CFAP43: variants seen among roughly 807,000 people sequenced by gnomAD.
CFAP43 encodes cilia and flagella associated protein 43, also known as cilia- and flagella-associated protein 43.
Under a neutral mutation model 218.9 loss-of-function variants are expected in CFAP43, and 155 were observed. The observed-to-expected ratio is 0.71, with a 90% CI of 0.62 to 0.81. The LOEUF is 0.81. CFAP43 is among the 30% of genes least tolerant of loss of function. The pLI is 0.00. For missense variants in CFAP43, 1,778 were observed against 1,954.3 expected, an observed-to-expected ratio of 0.91 and a Z score of 1.70; for synonymous variants, 645 against 681.3, an observed-to-expected ratio of 0.95 and a Z score of 0.83.
intron 16 of CFAP43, among the ~76,000 whole-genome samples, chr10:104,183,896 G>T (rs1475015282): frequency 6.6e-6 from 1 of 152,188 alleles, no homozygotes; most frequent in Non-Finnish European, 1.5e-5. Flanking sequence ...AGAATCCCAT[G>T]TATAAAATGG....
At position 104,218,784 on chromosome 10, in the gene CFAP43, T is replaced by G. The variant is rs200402144; in HGVS notation, c.417-4358A>C. ...ATTGGCTCCCAAAATACACCGGTGG[T>G]TTAGGGTTCCTCTGCTGTTCCTAGG... On this transcript the variant is annotated intron_variant, in intron 3 of 37. Transcript: ENST00000357060. 262 of 550,048 alleles carry G rather than the reference T, an allele frequency of 4.8e-4. 1 individual carries two copies. Among genetic ancestry groups the G allele is most frequent in the Middle Eastern group, 1.8e-3 (6 of 3,258 alleles). The allele number at this position is 550,048 out of a possible 1,614,324, so 34.1% of individuals were successfully genotyped here. A position where few individuals can be genotyped will look rare whatever the true frequency, so the allele number is the denominator to read the frequency against.
At chr10:104,144,484 A>T (rs2087861540) in intron 31 of CFAP43, among the ~76,000 whole-genome samples, 1 of 152,174 alleles carries the variant, frequency 6.6e-6, no homozygotes. Flanking sequence ...CTCCGTCTCT[A>T]CTAAAAATAC....
In CFAP43 at chr10:104,203,257, C is replaced by G. The variant is rs544032843; in HGVS notation, c.1095+415G>C. 6.6e-5 allele frequency among the ~76,000 whole-genome samples: 10 copies of G among 152,268 alleles called. No individual in the cohort carries two copies. In the East Asian group the frequency reaches 1.9e-3, roughly 29 times the overall value. The stretch of plus-strand genomic sequence containing the variant: ...ACGTGATTCAGTCAGTCCAATGAGT[C>G]TAGATTCCAAGATTTTTTTTCTAGC... On this transcript the variant is annotated intron_variant, in intron 8 of 37. Coordinates refer to ENST00000357060, the MANE Select transcript of CFAP43 (RefSeq NM_025145.7).
intron 14 of CFAP43, 74 bp from the exon 15 acceptor site, chr10:104,186,197 T>G: frequency 8.3e-7 from 1 of 1,208,128 alleles, no homozygotes; most frequent in East Asian, 2.7e-5. Context: ...CAGATATACA[T>G]GCCTGTTGTA....
chr10:104,162,962 AAGG>A (rs2088957218), intron 24 of CFAP43, among the ~76,000 whole-genome samples: 1 of 152,292 alleles, frequency 6.6e-6, no homozygotes, highest in East Asian at 1.9e-4. Context: ...ACTAGAGCCC[AAGG>A]AGAAGTAGGT....
In CFAP43 at chr10:104,186,474, T is replaced by C. The variant is rs187648449; in HGVS notation, c.1861-351A>G. Among the ~76,000 whole-genome samples the C allele has an allele frequency of 8.4e-4, 128 of 152,266 alleles. 1 individual carries two copies. Among genetic ancestry groups the C allele is most frequent in the Non-Finnish European group, 1.1e-3 (77 of 68,018 alleles). On this transcript the variant is annotated intron_variant, in intron 14 of 37. Transcript: ENST00000357060. The stretch of plus-strand genomic sequence containing the variant: ...TAATGTAGTCAATATTCCCCGTATG[T>C]TTCATGCATTCCTACCTCCAAGCCT...
intron 18 of CFAP43, 122 bp from the exon 19 acceptor site, chr10:104,179,228 G>C (rs991449485): frequency 1.3e-5 from 10 of 776,534 alleles, no homozygotes; most frequent in African/African-American, 1.7e-5. Flanking sequence ...CTAATATAAA[G>C]TGTACATGAA....
rs768831533 is a variant in CFAP43, at chr10:104,143,452, G to C, written c.4132C>G (p.Arg1378Gly). The C allele has an allele frequency of 3.1e-6, 5 of 1,613,860 alleles. No individual in the cohort carries two copies. In the South Asian group the frequency reaches 3.3e-5, roughly 11 times the overall value. ...TTCTGTTCATTTTCCACTTTTGCTC[G>C]TCTTGTCATGCAGAAATGATTCCAG... ...LVWNHFCMTR[R>G]AKVENEQKVK... is the part of the protein sequence containing the mutation. Residue 1378 changes from arginine to glycine, a missense_variant, in exon 32 of 38, where the codon CGA (arginine) becomes GGA (glycine). Arg to Gly is a moderately radical substitution (Grantham distance 125). Transcript: ENST00000357060.
chr10:104,167,062 C>G (rs1051071201), intron 22 of CFAP43, among the ~76,000 whole-genome samples: 5 of 152,088 alleles, frequency 3.3e-5, no homozygotes, highest in African/African-American at 9.7e-5. Context: ...ACAAAGAAAC[C>G]TGTTAACAAA....
intron 24 of CFAP43, among the ~76,000 whole-genome samples, chr10:104,163,794 T>C (rs1464946806): frequency 6.6e-6 from 1 of 152,194 alleles, no homozygotes; most frequent in Non-Finnish European, 1.5e-5. Flanking sequence ...CTAGAGGAAG[T>C]AGAAATGCAG....
intron 12 of CFAP43, among the ~76,000 whole-genome samples, chr10:104,191,484 C>T (rs925790607): frequency 1.3e-5 from 2 of 152,134 alleles, no homozygotes; most frequent in African/African-American, 4.8e-5. Context: ...CACCCCCTGA[C>T]CAGTGCCCAC....
Position 104,192,266 on chromosome 10 carries a change from T to C in CFAP43, c.1479A>G (p.Thr493=), listed in dbSNP as rs376776592. The change falls in exon 12 of 38, where the codon ACA becomes ACG. Residue 493 remains threonine, a synonymous_variant. Coordinates refer to ENST00000357060, the MANE Select transcript of CFAP43 (RefSeq NM_025145.7). The stretch of plus-strand genomic sequence containing the variant: ...TGATAATAAAGACTTTTCCTTCTGC[T>C]GTTCCAACTAACAGAAATATTCCTT... ...DQQGIFLLVG[T]AEGKVFIINA... 35 of 1,613,004 alleles carry C rather than the reference T, an allele frequency of 2.2e-5. No homozygotes were observed. The highest frequency in any genetic ancestry group is 2.9e-5 in the Non-Finnish European group (34 of 1,179,742).
rs374956831 is a variant in CFAP43 at position 104,167,688 on chromosome 10, G to A, written c.2741C>T (p.Thr914Met). The part of the protein sequence containing the change: ...VVENFPMKAR[T>M]VEELKELERV... Reference sequence around the variant, plus strand: ...TTCCAATTCTTTCAGCTCTTCAACCGTGCGCGCTTTCATCGGGAAGTTTTC... The same window carrying A: ...TTCCAATTCTTTCAGCTCTTCAACCATGCGCGCTTTCATCGGGAAGTTTTC... The change falls in exon 22 of 38, where the codon ACG becomes ATG. Residue 914 changes from threonine (T) to methionine (M), a missense_variant. By Grantham distance (81) the Thr-to-Met change is moderately conservative (BLOSUM62 -1). This residue lies in a region of CFAP43 where 1,553 missense variants were observed against 1,685.2 expected (regional missense o/e 0.92). Coordinates refer to ENST00000357060, the MANE Select transcript of CFAP43 (RefSeq NM_025145.7). 7.1e-5 allele frequency: 115 copies of A among 1,611,042 alleles called. No individual in the cohort carries two copies. The highest frequency in any genetic ancestry group is 5.6e-4 in the Admixed American group (33 of 59,188).
chr10:104,216,922 C>T (rs1397673473), intron 3 of CFAP43, among the ~76,000 whole-genome samples: 1 of 152,186 alleles, frequency 6.6e-6, no homozygotes, highest in Non-Finnish European at 1.5e-5. Context: ...GTCCTTCCTC[C>T]TTTCATAGCT....
chr10:104,181,675 C>T (rs927833874), intron 17 of CFAP43, among the ~76,000 whole-genome samples: 7 of 152,140 alleles, frequency 4.6e-5, no homozygotes, highest in African/African-American at 1.7e-4. Context: ...TACCACACGC[C>T]AAGCTCTTTC....
chr10:104,193,707 AGCCCTCT>A, intron 11 of CFAP43, 152 bp downstream of exon 11: 1 of 1,006,048 alleles, frequency 9.9e-7, no homozygotes, highest in Non-Finnish European at 1.4e-6. Context: ...TTTACTACAC[AGCCCTCT>A]GTACCTTTTG....
intron 27 of CFAP43, 28 bp from the exon 28 acceptor site, chr10:104,152,754 C>G: frequency 6.3e-7 from 1 of 1,593,230 alleles, no homozygotes; most frequent in Non-Finnish European, 8.5e-7. Context: ...GTAAAGTTAA[C>G]GTTTAAGAGT....
intron 8 of CFAP43, 68 bp from the exon 9 acceptor site, chr10:104,198,106 T>A: frequency 1.1e-6 from 1 of 918,224 alleles, no homozygotes; most frequent in Non-Finnish European, 1.7e-6. Context: ...AAATATTTAT[T>A]AAATGCCTAC....
At chr10:104,198,745 G>C (rs1044579476) in intron 8 of CFAP43, among the ~76,000 whole-genome samples, 78 of 150,718 alleles carry the variant, frequency 5.2e-4, no homozygotes, top group African/African-American at 1.9e-3. Context: ...CTGCCTCCTG[G>C]GTTCAAGAGA....
Sources: allele counts gnomAD v4.1 joint callset (sites outside exome capture counted in the v4.1 genomes callset), GRCh38; gene constraint gnomAD v4.1.1; regional missense constraint gnomAD v4.1.1; transcripts MANE v1.5; gene names NCBI Gene and HGNC (gene_info 2026-07-23, HGNC 2026-07-21).